The following FAM193A variants were observed in gnomAD, a reference collection of about 807,000 sequenced individuals.
FAM193A encodes family with sequence similarity 193 member A.
In FAM193A, 22 loss-of-function variants were observed where a neutral mutation model predicts 126.5. The observed-to-expected ratio is 0.17, with a 90% CI of 0.12 to 0.25. The LOEUF (loss-of-function observed/expected upper bound fraction) is 0.25. Ranked by LOEUF, FAM193A falls within the 10% of genes least tolerant of loss-of-function variation. The probability of loss-of-function intolerance (pLI) is 1.00; values close to 1 mark genes in which losing one functional copy is unlikely to be tolerated. For missense variants in FAM193A, 1,675 were observed against 1,672.8 expected, an observed-to-expected ratio of 1.00 and a Z score of -0.02; for synonymous variants, 761 against 646.8, an observed-to-expected ratio of 1.18 and a Z score of -2.68.
intron 1 of FAM193A, among the ~76,000 whole-genome samples, chr4:2,551,002 A>C (rs901093268): frequency 6.6e-6 from 1 of 151,846 alleles, no homozygotes; most frequent in Non-Finnish European, 1.5e-5. Context: ...GGGTTTCACC[A>C]TGTTAGCCAG....
At chr4:2,710,945 G>A (rs940566065) in intron 19 of FAM193A, among the ~76,000 whole-genome samples, 3 of 147,248 alleles carry the variant, frequency 2.0e-5, no homozygotes, top group African/African-American at 5.0e-5. Context: ...TCCGCCTCCC[G>A]GGTTCATGCC....
intron 19 of FAM193A, among the ~76,000 whole-genome samples, chr4:2,712,089 A>T (rs964395685): frequency 6.6e-6 from 1 of 152,120 alleles, no homozygotes; most frequent in African/African-American, 2.4e-5. Context: ...TGCAAAACCT[A>T]TTGATACTTT....
intron 1 of FAM193A, among the ~76,000 whole-genome samples, chr4:2,592,795 G>T (rs533688470): frequency 6.6e-6 from 1 of 152,310 alleles, no homozygotes; most frequent in Admixed American, 6.5e-5. Flanking sequence ...TTCTCCCCAA[G>T]CCCAGCTGAG....
At chr4:2,624,522 T>C (rs542848338) in intron 2 of FAM193A, among the ~76,000 whole-genome samples, 49 of 152,202 alleles carry the variant, frequency 3.2e-4, no homozygotes, top group Non-Finnish European at 3.8e-4. Context: ...CGGAGAGGCC[T>C]CTGCCCCGGC....
chr4:2,538,534 G>A (rs962973775), intron 1 of FAM193A, among the ~76,000 whole-genome samples: 1 of 152,006 alleles, frequency 6.6e-6, no homozygotes, highest in Non-Finnish European at 1.5e-5. Flanking sequence ...GTCTTGGGCT[G>A]TAGTCCTGGA....
At chr4:2,603,501 G>T (rs1163647793) in intron 2 of FAM193A, among the ~76,000 whole-genome samples, 4 of 139,930 alleles carry the variant, frequency 2.9e-5, no homozygotes, top group Non-Finnish European at 6.1e-5. Context: ...CAGTCACCCA[G>T]GCTGGAGTGC....
chr4:2,671,209 AG>A (rs1713746367), intron 12 of FAM193A, among the ~76,000 whole-genome samples: 1 of 152,204 alleles, frequency 6.6e-6, no homozygotes, highest in Non-Finnish European at 1.5e-5. Context: ...CTGGTCAGCC[AG>A]CGAGTTGTGG....
At chr4:2,628,851 CTCTTTT>C (rs1408806656) in intron 4 of FAM193A, among the ~76,000 whole-genome samples, 6 of 146,214 alleles carry the variant, frequency 4.1e-5, no homozygotes, top group Non-Finnish European at 7.6e-5. Context: ...TGCTGTCTCT[CTCTTTT>C]TTTTTTTTTT....
chr4:2,600,643 A>G (rs975823408), intron 2 of FAM193A, among the ~76,000 whole-genome samples: 2 of 152,164 alleles, frequency 1.3e-5, no homozygotes, highest in African/African-American at 4.8e-5. Context: ...CCTCCCCTGT[A>G]TCACCCCCAA....
At chr4:2,611,026 C>T (rs1027288263) in intron 2 of FAM193A, among the ~76,000 whole-genome samples, 24 of 152,056 alleles carry the variant, frequency 1.6e-4, no homozygotes, top group Admixed American at 2.6e-4. Context: ...CATGAGCCAC[C>T]GTGCCCGGCC....
At chr4:2,702,637 G>GAAC in intron 19 of FAM193A, among the ~76,000 whole-genome samples, 1 of 152,258 alleles carries the variant, frequency 6.6e-6, no homozygotes, top group Middle Eastern at 3.4e-3. Flanking sequence ...TACAGTGAGC[G>GAAC]TTCTCCCTTC....
chr4:2,700,224 C>A lies in FAM193A; in HGVS notation c.4052C>A (p.Ala1351Glu), dbSNP rs537047866. ...ACCAGCAAGGCCAGCAGCGAGCCAG[C>A]GAGGAGGCCCACAGAGCCCCCCAAG... ...RQTSKASSEP[A>E]RRPTEPPKAT... The change falls in exon 19 of 21, where the codon GCG becomes GAG. Residue 1351 changes from alanine to glutamate, a missense_variant. Ala to Glu is a moderately radical substitution (Grantham distance 107). Transcript: ENST00000637812. The A allele has an allele frequency of 3.7e-5, 60 of 1,613,946 alleles. No homozygotes were observed. In the South Asian group the frequency reaches 6.4e-4, roughly 17 times the overall value.
At chr4:2,549,378 CTA>C (rs1471720366) in intron 1 of FAM193A, among the ~76,000 whole-genome samples, 2 of 148,706 alleles carry the variant, frequency 1.3e-5, no homozygotes, top group Non-Finnish European at 3.0e-5. Context: ...TTTTTTCCCT[CTA>C]TGTTTTCTTT....
At chr4:2,548,441 C>T (rs1737704080) in intron 1 of FAM193A, among the ~76,000 whole-genome samples, 1 of 151,758 alleles carries the variant, frequency 6.6e-6, no homozygotes, top group Non-Finnish European at 1.5e-5. Context: ...AATTTGCCAA[C>T]ATTTTCTTCA....
In FAM193A at chr4:2,716,060, T is replaced by C. The variant is rs753521582; in HGVS notation, c.4410T>C (p.Ser1470=). ...VFLPKDIDLD[S]VDMDETEREV... is the part of the protein sequence containing the mutation. ...TACCTAAAGATATTGACCTAGACAGTGTGGATATGGATGAGACAGAGAGGG... is the reference window on the plus strand; with the variant it reads ...TACCTAAAGATATTGACCTAGACAGCGTGGATATGGATGAGACAGAGAGGG... The change falls in exon 20 of 21, where the codon AGT becomes AGC. Residue 1470 remains serine, a synonymous_variant. Coordinates refer to ENST00000637812, the MANE Select transcript of FAM193A (RefSeq NM_001366318.2). The C allele has an allele frequency of 1.1e-5, 18 of 1,608,298 alleles. No individual in the cohort carries two copies. The South Asian group carries it at 1.5e-4, about 14-fold the overall frequency.
chr4:2,607,918 T>G, intron 2 of FAM193A: 1 of 1,160,840 alleles, frequency 8.6e-7, no homozygotes, highest in Non-Finnish European at 1.2e-6. Context: ...TTTCACTATG[T>G]GATGGTGTCG....
chr4:2,580,714 T>C (rs1739870943), intron 1 of FAM193A, among the ~76,000 whole-genome samples: 2 of 152,374 alleles, frequency 1.3e-5, no homozygotes, highest in Admixed American at 1.3e-4. Flanking sequence ...ATTTGTTCCT[T>C]CTTTGCCTTT....
At chr4:2,728,895 A>AT (rs1491485597) in intron 20 of FAM193A, among the ~76,000 whole-genome samples, 36,610 of 105,374 alleles carry the variant, frequency 0.35, 7,409 homozygotes, top group Admixed American at 0.5. Context: ...CACCTCCAAA[A>AT]CTTTTTTTTT....
At chr4:2,637,300 C>T (rs1037371537) in intron 5 of FAM193A, among the ~76,000 whole-genome samples, 2 of 152,180 alleles carry the variant, frequency 1.3e-5, no homozygotes, top group Non-Finnish European at 2.9e-5. Flanking sequence ...GCACTCCAGC[C>T]TGGGCGACAG....
Sources: allele counts gnomAD v4.1 joint callset (sites outside exome capture counted in the v4.1 genomes callset), GRCh38; gene constraint gnomAD v4.1.1; transcripts MANE v1.5; gene names NCBI Gene and HGNC (gene_info 2026-07-23, HGNC 2026-07-21).